The following RABEP1 variants were observed in gnomAD, a reference collection of about 807,000 sequenced individuals.
RABEP1 encodes rabaptin, RAB GTPase binding effector protein 1.
RABEP1 carries 51 observed loss-of-function variants against 123.4 expected under a neutral mutation model. The observed-to-expected ratio is 0.41, with a 90% CI of 0.33 to 0.52. The LOEUF is 0.52. Among genes scored for constraint, RABEP1 ranks in the 20% least tolerant of loss-of-function variants. The pLI is 0.16. For synonymous variants in RABEP1, 347 were observed against 355.2 expected (o/e 0.98, Z 0.26); for missense variants, 888 against 996.3 (o/e 0.89, Z 1.46).
chr17:5,320,650 G>C (rs965826912), intron 2 of RABEP1, among the ~76,000 whole-genome samples: 2 of 152,112 alleles, frequency 1.3e-5, no homozygotes, highest in African/African-American at 2.4e-5. Flanking sequence ...CTAAGTTGTA[G>C]AAGTTTTTTT....
intron 7 of RABEP1, among the ~76,000 whole-genome samples, chr17:5,353,741 C>T (rs1224423273): frequency 1.1e-4 from 17 of 151,910 alleles, no homozygotes; most frequent in African/African-American, 3.4e-4. Flanking sequence ...CCCGGCTACA[C>T]GAGAGGATGA....
At position 5,365,246 on chromosome 17, in the gene RABEP1, A is replaced by G. The variant is rs1232501899; in HGVS notation, c.1785+8A>G. 1 of 1,583,436 alleles carries G rather than the reference A, an allele frequency of 6.3e-7. No homozygotes were observed. The highest frequency in any genetic ancestry group is 1.1e-5 in the South Asian group (1 of 88,686). On this transcript the variant is annotated splice_region_variant and intron_variant, in intron 11 of 17. Transcript: ENST00000537505. Reference sequence around the variant, plus strand: ...GAAGATTCGAGTCACCAGGTAAGGGAGGGTTTATAGACTGTGGCCCATGAG... The same window carrying G: ...GAAGATTCGAGTCACCAGGTAAGGGGGGGTTTATAGACTGTGGCCCATGAG...
rs927044128 is a variant in RABEP1, at chr17:5,350,588, G to C, written c.922G>C (p.Glu308Gln). 4 of 1,614,052 alleles carry C rather than the reference G, an allele frequency of 2.5e-6. No homozygotes were observed. Among genetic ancestry groups the C allele is most frequent in the Non-Finnish European group, 1.7e-6 (2 of 1,180,012 alleles). The change falls in exon 7 of 18, where the codon GAA becomes CAA. Residue 308 changes from glutamate to glutamine, a missense_variant. By Grantham distance (29) the Glu-to-Gln change is conservative (BLOSUM62 2). Transcript: ENST00000537505. ...MQRMEIVLTS[E>Q]QLRQVEELKK... Reference sequence around the variant, plus strand: ...GCGAATGGAGATTGTGCTAACTTCAGAACAGCTCCGACAAGTTGAAGAACT... The same window carrying C: ...GCGAATGGAGATTGTGCTAACTTCACAACAGCTCCGACAAGTTGAAGAACT...
intron 2 of RABEP1, among the ~76,000 whole-genome samples, chr17:5,312,082 A>C (rs1280224346): frequency 6.6e-6 from 1 of 152,230 alleles, no homozygotes; most frequent in African/African-American, 2.4e-5. Flanking sequence ...ACTTGCGTCC[A>C]CCTGACTTGC....
rs566544658 is a variant in RABEP1, at chr17:5,315,292, T to A, written c.163+6470T>A. Among the ~76,000 whole-genome samples, 3 of 152,292 alleles carry A rather than the reference T, an allele frequency of 2.0e-5. No individual in the cohort carries two copies. In the South Asian group the frequency reaches 6.2e-4, roughly 32 times the overall value. ...ATTAAAATAGTGTTTGCTAATAGAT[T>A]TAACCAGTAGAGACGATACAGAGGT... is the stretch of plus-strand genomic sequence containing the variant. On this transcript the variant is annotated intron_variant, in intron 2 of 17. Coordinates refer to ENST00000537505, the MANE Select transcript of RABEP1 (RefSeq NM_004703.6).
intron 15 of RABEP1, 56 bp downstream of exon 15, chr17:5,378,288 C>T (rs1911167221): frequency 7.1e-7 from 1 of 1,417,598 alleles, no homozygotes; most frequent in Non-Finnish European, 1.0e-6. Context: ...TTTACTGACT[C>T]CTACTATGCT....
At position 5,358,846 on chromosome 17, in the gene RABEP1, G is replaced by T. The variant is rs1042798482; in HGVS notation, c.1096-2362G>T. 1.9e-4 allele frequency among the ~76,000 whole-genome samples: 29 copies of T among 152,152 alleles called. 1 individual carries two copies. Among genetic ancestry groups the T allele is most frequent in the Non-Finnish European group, 1.9e-4 (13 of 67,986 alleles). On this transcript the variant is annotated intron_variant, in intron 8 of 17. Transcript: ENST00000537505. ...CACCATCACAGCTCACTACAGCCCCGATCTCCTGGGCTCAAGCAATCCTCC... is the reference window on the plus strand; with the variant it reads ...CACCATCACAGCTCACTACAGCCCCTATCTCCTGGGCTCAAGCAATCCTCC...
intron 2 of RABEP1, among the ~76,000 whole-genome samples, chr17:5,327,279 T>C (rs1906069841): frequency 1.3e-5 from 2 of 149,654 alleles, no homozygotes; most frequent in South Asian, 2.1e-4. Flanking sequence ...ACTTGGGAGT[T>C]GGAGGTTGCA....
Position 5,282,289 on chromosome 17 carries a change from G to C in RABEP1, c.-198G>C. On this transcript the variant is annotated 5_prime_UTR_variant, in exon 1 of 18. Coordinates refer to ENST00000537505, the MANE Select transcript of RABEP1 (RefSeq NM_004703.6). ...CGCACTGCTTATTTCCCGCTGTCAG[G>C]ATGAGGAGGCGGAGGTCGGCGGTCG... 2.5e-6 allele frequency: 1 copy of C among 407,422 alleles called. No individual in the cohort carries two copies. Among genetic ancestry groups the C allele is most frequent in the Non-Finnish European group, 4.3e-6 (1 of 233,020 alleles). 25.2% of individuals were successfully genotyped at this position (407,422 alleles called of 1,614,324 possible).
chr17:5,316,134 A>G (rs898805002), intron 2 of RABEP1, among the ~76,000 whole-genome samples: 1 of 152,336 alleles, frequency 6.6e-6, no homozygotes, highest in East Asian at 1.9e-4. Flanking sequence ...CTAAGCACTT[A>G]GCCATCTACA....
chr17:5,288,596 T>C (rs2075001812), intron 1 of RABEP1, among the ~76,000 whole-genome samples: 1 of 152,110 alleles, frequency 6.6e-6, no homozygotes, highest in African/African-American at 2.4e-5. Flanking sequence ...GGTTTCGCCA[T>C]GTTCGTCAGG....
intron 8 of RABEP1, among the ~76,000 whole-genome samples, chr17:5,356,281 G>A (rs771118239): frequency 2.0e-5 from 3 of 152,196 alleles, no homozygotes; most frequent in Non-Finnish European, 4.4e-5. Flanking sequence ...GTTTGAACCC[G>A]GGAGGTGGAG....
Position 5,377,357 on chromosome 17 carries a change from AGT to A in RABEP1, c.2215+53_2215+54del, listed in dbSNP as rs1358611656. On this transcript the variant is annotated intron_variant, in intron 14 of 17. Coordinates refer to ENST00000537505, the MANE Select transcript of RABEP1 (RefSeq NM_004703.6). ...AATTAGAGTCACTAAATAAAACTTT[AGT>A]AAAAGAAGCAATACATGGCCATGGA... 2.6e-5 allele frequency: 38 copies of A among 1,455,928 alleles called. No individual in the cohort carries two copies. The Admixed American group carries it at 9.3e-4, about 36-fold the overall frequency. 90.2% of individuals were successfully genotyped at this position (1,455,928 alleles called of 1,614,324 possible).
rs1002027977 is a variant in RABEP1 at position 5,282,329 on chromosome 17, C to G, written c.-158C>G. ...GTCGGCGGTCGGGTCCGTCTCTGCCCGCGGCTGTGGCGGCGCCGGCGGATC... is the reference window on the plus strand; with the variant it reads ...GTCGGCGGTCGGGTCCGTCTCTGCCGGCGGCTGTGGCGGCGCCGGCGGATC... On this transcript the variant is annotated 5_prime_UTR_variant, in exon 1 of 18. Coordinates refer to ENST00000537505, the MANE Select transcript of RABEP1 (RefSeq NM_004703.6). The G allele has an allele frequency of 3.2e-5, 16 of 505,948 alleles. No homozygotes were observed. Among genetic ancestry groups the G allele is most frequent in the Non-Finnish European group, 4.4e-5 (14 of 320,232 alleles). 31.3% of individuals were successfully genotyped at this position (505,948 alleles called of 1,614,324 possible). A position where few individuals can be genotyped will look rare whatever the true frequency, so the allele number is the denominator to read the frequency against.
chr17:5,317,784 C>G (rs989851334), intron 2 of RABEP1, among the ~76,000 whole-genome samples: 1 of 152,098 alleles, frequency 6.6e-6, no homozygotes, highest in African/African-American at 2.4e-5. Context: ...ACCAGAAAGA[C>G]CAACACAGGA....
chr17:5,361,334 A>G lies in RABEP1; in HGVS notation c.1222A>G (p.Thr408Ala). The G allele has an allele frequency of 1.2e-6, 2 of 1,614,168 alleles. No individual in the cohort carries two copies. The highest frequency in any genetic ancestry group is 2.2e-5 in the East Asian group (1 of 44,882). Reference protein sequence around the residue: ...FKDGLRRAQSTDSLGTSGSLQ... With the variant: ...FKDGLRRAQSADSLGTSGSLQ... ...AGATGGACTCAGGAGAGCACAGTCT[A>G]CAGACAGCTTGGGAACCTCGGGCTC... The change falls in exon 9 of 18, where the codon ACA becomes GCA. Residue 408 changes from threonine (T) to alanine (A), a missense_variant. Transcript: ENST00000537505.
At chr17:5,316,851 A>ATAT (rs1250097257) in intron 2 of RABEP1, among the ~76,000 whole-genome samples, 1 of 151,056 alleles carries the variant, frequency 6.6e-6, no homozygotes, top group Admixed American at 6.6e-5. Flanking sequence ...AAAAAAAAAA[A>ATAT]AAAAATATAA....
chr17:5,378,919 CCTGT>C (rs1444111940), intron 15 of RABEP1, among the ~76,000 whole-genome samples: 1 of 152,216 alleles, frequency 6.6e-6, no homozygotes, highest in Non-Finnish European at 1.5e-5. Context: ...TCCCACCACA[CCTGT>C]CCCTATGGTC....
chr17:5,382,526 A>G (rs780448270), intron 17 of RABEP1, among the ~76,000 whole-genome samples: 1 of 150,912 alleles, frequency 6.6e-6, no homozygotes, highest in Non-Finnish European at 1.5e-5. Flanking sequence ...ACATGGATGG[A>G]TTACCTGAGG....
Sources: gnomAD v4.1 joint callset for allele counts (sites outside exome capture counted in the v4.1 genomes callset) on GRCh38, gnomAD v4.1.1 for gene constraint, MANE v1.5 for transcripts, NCBI Gene and HGNC (gene_info 2026-07-23, HGNC 2026-07-21) for gene names.